The following NBAS variants were observed in gnomAD, a reference collection of about 807,000 sequenced individuals.
NBAS encodes NAG/BC035112 fusion.
A neutral mutation model predicts 302.5 loss-of-function variants in NBAS; 219 were observed. The ratio of observed to expected loss-of-function variants is 0.72; its 90% CI spans 0.65 to 0.81. NBAS has a LOEUF of 0.81. Among genes scored for constraint, NBAS ranks in the 30% least tolerant of loss-of-function variants. The probability of loss-of-function intolerance (pLI) is 0.00; values close to 1 mark genes in which losing one functional copy is unlikely to be tolerated. For missense variants in NBAS, 2,932 were observed against 2,841.6 expected (o/e 1.03, Z -0.72); for synonymous variants, 1,118 against 1,021.6 (o/e 1.09, Z -1.80).
At chr2:15,071,366 C>T in the NBAS span, among the ~76,000 whole-genome samples, 1 of 152,152 alleles carries the variant, frequency 6.6e-6, no homozygotes, top group Non-Finnish European at 1.5e-5. Context: ...TGGCTCGCGC[C>T]TGTAATCCCA....
intron 6 of NBAS, among the ~76,000 whole-genome samples, chr2:15,544,670 T>C (rs1486092200): frequency 6.6e-6 from 1 of 152,014 alleles, no homozygotes; most frequent in East Asian, 1.9e-4. Context: ...AAGAAAACAA[T>C]AGCAATGACT....
At chr2:15,076,485 G>T in the NBAS span, among the ~76,000 whole-genome samples, 1 of 152,158 alleles carries the variant, frequency 6.6e-6, no homozygotes, top group African/African-American at 2.4e-5. Flanking sequence ...CTCTCCCAGG[G>T]TTTGACTTGG....
chr2:15,211,683 A>G (rs1220127807), intron 48 of NBAS, among the ~76,000 whole-genome samples: 1 of 152,202 alleles, frequency 6.6e-6, no homozygotes, highest in Non-Finnish European at 1.5e-5. Context: ...TGAGATCATT[A>G]CACCTCTAAG....
At chr2:15,456,177 A>C (rs1051170162) in intron 21 of NBAS, among the ~76,000 whole-genome samples, 1 of 152,224 alleles carries the variant, frequency 6.6e-6, no homozygotes, top group East Asian at 1.9e-4. Context: ...TGTCAAATAC[A>C]CATGATGATT....
chr2:14,817,245 C>T, the NBAS span, among the ~76,000 whole-genome samples: 1 of 152,166 alleles, frequency 6.6e-6, no homozygotes, highest in African/African-American at 2.4e-5. Flanking sequence ...CATCACCTAC[C>T]TGGAGTATTC....
chr2:14,942,045 G>A, the NBAS span, among the ~76,000 whole-genome samples: 1 of 152,142 alleles, frequency 6.6e-6, no homozygotes, highest in Admixed American at 6.5e-5. Context: ...GAGACACGAT[G>A]GTTCTAGAAA....
chr2:14,987,286 AAT>A, the NBAS span, among the ~76,000 whole-genome samples: 2 of 152,078 alleles, frequency 1.3e-5, no homozygotes, highest in Non-Finnish European at 2.9e-5. Flanking sequence ...CAATTTCAAT[AAT>A]AGTCATATTC....
the NBAS span, among the ~76,000 whole-genome samples, chr2:14,908,738 A>T: frequency 6.6e-6 from 1 of 152,212 alleles, no homozygotes; most frequent in Non-Finnish European, 1.5e-5. Context: ...GGAGTCCAAA[A>T]GGAAAGAGCA....
the NBAS span, among the ~76,000 whole-genome samples, chr2:14,792,513 T>A: frequency 6.6e-6 from 1 of 152,002 alleles, no homozygotes; most frequent in Non-Finnish European, 1.5e-5. Flanking sequence ...CAGGAAAACA[T>A]CAAAATTCAA....
chr2:15,419,017 G>T (rs942689302), intron 23 of NBAS, among the ~76,000 whole-genome samples: 6 of 152,294 alleles, frequency 3.9e-5, no homozygotes, highest in African/African-American at 1.4e-4. Context: ...AGGCAGGCTG[G>T]TCAGAAGAAT....
chr2:15,349,622 C>T (rs140307322), intron 35 of NBAS, among the ~76,000 whole-genome samples: 1 of 151,992 alleles, frequency 6.6e-6, no homozygotes, highest in African/African-American at 2.4e-5. Context: ...TAGACAGTAG[C>T]CTCATGTGGT....
chr2:15,289,096 C>T (rs764681080), intron 41 of NBAS, among the ~76,000 whole-genome samples: 3 of 151,920 alleles, frequency 2.0e-5, no homozygotes, highest in Non-Finnish European at 2.9e-5. Flanking sequence ...TTATTTTTTG[C>T]GACAGGGTCT....
chr2:15,237,107 A>T (rs577526744), intron 45 of NBAS, among the ~76,000 whole-genome samples: 4 of 152,332 alleles, frequency 2.6e-5, no homozygotes, highest in African/African-American at 9.6e-5. Flanking sequence ...TTCATTTACC[A>T]TAGTATTATA....
At chr2:15,022,342 A>G in the NBAS span, among the ~76,000 whole-genome samples, 7 of 152,274 alleles carry the variant, frequency 4.6e-5, no homozygotes, top group East Asian at 1.4e-3. Flanking sequence ...ACTACTATCT[A>G]AGACGGTGAT....
intron 44 of NBAS, among the ~76,000 whole-genome samples, chr2:15,266,833 T>C (rs1455515723): frequency 6.6e-6 from 1 of 152,190 alleles, no homozygotes. Flanking sequence ...TTCCCAAATG[T>C]ATTTCTAGTC....
chr2:14,816,699 G>A, the NBAS span, among the ~76,000 whole-genome samples: 2 of 152,198 alleles, frequency 1.3e-5, no homozygotes, highest in Non-Finnish European at 2.9e-5. Context: ...CAGAACCTCA[G>A]CAATCCATTG....
chr2:15,026,112 A>C, the NBAS span, among the ~76,000 whole-genome samples: 1 of 151,500 alleles, frequency 6.6e-6, no homozygotes, highest in Non-Finnish European at 1.5e-5. Flanking sequence ...TGTTCCTTTG[A>C]TGCCTAGTTT....
chr2:15,434,076 G>C lies in NBAS; in HGVS notation c.2340-6282C>G, dbSNP rs552935386. The stretch of plus-strand genomic sequence containing the variant: ...CAGGAGATGAAGGCTGCAGTGAGCT[G>C]TGACTGTAACTGCATTCCAGCCTGG... On this transcript the variant is annotated intron_variant, in intron 21 of 51. Coordinates refer to ENST00000281513, the MANE Select transcript of NBAS (RefSeq NM_015909.4). Among the ~76,000 whole-genome samples, 5 of 152,232 alleles carry C rather than the reference G, an allele frequency of 3.3e-5. 1 individual carries two copies. In the South Asian group the frequency reaches 1.0e-3, roughly 32 times the overall value.
intron 9 of NBAS, among the ~76,000 whole-genome samples, chr2:15,529,323 A>T (rs1273324104): frequency 6.6e-6 from 1 of 151,934 alleles, no homozygotes; most frequent in Admixed American, 6.6e-5. Context: ...AACATGGTGA[A>T]ACCCTATCTC....
Sources: allele counts gnomAD v4.1 joint callset (sites outside exome capture counted in the v4.1 genomes callset), GRCh38; gene constraint gnomAD v4.1.1; transcripts MANE v1.5; gene names NCBI Gene and HGNC (gene_info 2026-07-23, HGNC 2026-07-21).